ANKS1B: variants seen among roughly 807,000 people sequenced by gnomAD.
The protein encoded by ANKS1B is ankyrin repeat and sterile alpha motif domain-containing protein 1B.
In ANKS1B, 36 loss-of-function variants were observed where a neutral mutation model predicts 148.3. That is an observed-to-expected ratio of 0.24 (90% CI 0.19 to 0.32). The LOEUF (loss-of-function observed/expected upper bound fraction) is 0.32. Ranked by LOEUF, ANKS1B falls within the 10% of genes least tolerant of loss-of-function variation. The pLI, the probability that ANKS1B is intolerant of heterozygous loss-of-function variation, is 1.00. For synonymous variants in ANKS1B, 542 were observed against 560.8 expected (o/e 0.97, Z 0.47); for missense variants, 1,157 against 1,542.6 (o/e 0.75, Z 4.19).
At chr12:98,895,537 A>G (rs1178975632) in intron 17 of ANKS1B, among the ~76,000 whole-genome samples, 1 of 152,190 alleles carries the variant, frequency 6.6e-6, no homozygotes, top group African/African-American at 2.4e-5. Context: ...CTCACTAACC[A>G]AGCGACTTCG....
At chr12:99,192,598 G>A (rs114979679) in intron 14 of ANKS1B, among the ~76,000 whole-genome samples, 1,694 of 152,146 alleles carry the variant, frequency 0.011, 28 homozygotes, top group African/African-American at 0.038. Flanking sequence ...TAATAACAAC[G>A]AAGATTAACC....
At chr12:98,976,190 T>A (rs2099895523) in intron 17 of ANKS1B, among the ~76,000 whole-genome samples, 1 of 152,186 alleles carries the variant, frequency 6.6e-6, no homozygotes, top group Admixed American at 6.5e-5. Context: ...GTGTTTAGTT[T>A]CAGCTGAGGA....
At chr12:99,637,520 A>C (rs2098250253) in intron 9 of ANKS1B, among the ~76,000 whole-genome samples, 1 of 152,152 alleles carries the variant, frequency 6.6e-6, no homozygotes. Context: ...GAGCTGGGAA[A>C]GGCAGACCCA....
rs1490991533 is a variant in ANKS1B, at chr12:99,099,860, G to T, written c.2527-14837C>A. ...GAGAGACCACAAAAGGAAGGAAAAA[G>T]GTTTGTACGTATTTTTAATGGCACT... On this transcript the variant is annotated intron_variant, in intron 15 of 26. Coordinates refer to ENST00000683438, the MANE Select transcript of ANKS1B (RefSeq NM_001352186.2). The T allele has an allele frequency of 2.6e-5, 4 of 152,148 alleles. 1 individual carries two copies. The East Asian group carries it at 5.8e-4, about 22-fold the overall frequency. The allele number at this position is 152,148 out of a possible 1,614,324, so 9.4% of individuals were successfully genotyped here. A position where few individuals can be genotyped will look rare whatever the true frequency, so the allele number is the denominator to read the frequency against.
intron 25 of ANKS1B, 126 bp downstream of exon 25, chr12:98,772,916 C>T (rs2098607619): frequency 9.6e-7 from 1 of 1,042,414 alleles, no homozygotes; most frequent in Non-Finnish European, 1.4e-6. Context: ...AACAAATACA[C>T]TTGGTATGTA....
chr12:99,903,748 A>AGG (rs113265979), intron 1 of ANKS1B, among the ~76,000 whole-genome samples: 87 of 151,708 alleles, frequency 5.7e-4, no homozygotes, highest in African/African-American at 2.1e-3. Context: ...GAAAAATGGG[A>AGG]GGGGGGGAGA....
chr12:99,003,925 G>A (rs1347956060), intron 17 of ANKS1B, among the ~76,000 whole-genome samples: 1 of 152,158 alleles, frequency 6.6e-6, no homozygotes, highest in East Asian at 1.9e-4. Context: ...TGCTGCTGGG[G>A]GATGGTCAAA....
At chr12:99,080,754 A>C (rs1035467777) in intron 16 of ANKS1B, among the ~76,000 whole-genome samples, 4 of 152,238 alleles carry the variant, frequency 2.6e-5, no homozygotes, top group African/African-American at 9.6e-5. Flanking sequence ...GAAAAAACTA[A>C]GTTTTATGTT....
intron 17 of ANKS1B, among the ~76,000 whole-genome samples, chr12:98,849,296 T>C (rs2099508556): frequency 6.6e-6 from 1 of 152,184 alleles, no homozygotes; most frequent in African/African-American, 2.4e-5. Context: ...GATATTTCTA[T>C]TTCATGAGCA....
At chr12:98,853,424 T>C (rs764739419) in intron 17 of ANKS1B, among the ~76,000 whole-genome samples, 3 of 152,038 alleles carry the variant, frequency 2.0e-5, no homozygotes, top group Non-Finnish European at 4.4e-5. Flanking sequence ...TGATGATGTG[T>C]CTCTTGGCCC....
At chr12:99,515,889 T>C (rs1308720017) in intron 9 of ANKS1B, among the ~76,000 whole-genome samples, 1 of 152,176 alleles carries the variant, frequency 6.6e-6, no homozygotes, top group Non-Finnish European at 1.5e-5. Flanking sequence ...ATTGTAGTTT[T>C]GATTTGCATG....
intron 11 of ANKS1B, among the ~76,000 whole-genome samples, chr12:99,403,484 GA>G (rs148759412): frequency 0.26 from 37,160 of 143,040 alleles, 8,058 homozygotes; most frequent in East Asian, 0.45. Flanking sequence ...AATGGGGGTT[GA>G]TTTTTTTTTC....
chr12:98,851,720 A>G (rs1482912478), intron 17 of ANKS1B, among the ~76,000 whole-genome samples: 1 of 152,090 alleles, frequency 6.6e-6, no homozygotes, highest in Non-Finnish European at 1.5e-5. Flanking sequence ...GTTGAAGTAG[A>G]CAGGAAACCA....
intron 10 of ANKS1B, among the ~76,000 whole-genome samples, chr12:99,449,008 A>T (rs1286356833): frequency 1.3e-5 from 2 of 151,388 alleles, no homozygotes; most frequent in Non-Finnish European, 3.0e-5. Context: ...TCTTCTATTT[A>T]TTTTCTAGTT....
chr12:99,191,916 G>A (rs759386815), intron 14 of ANKS1B, among the ~76,000 whole-genome samples: 1 of 152,036 alleles, frequency 6.6e-6, no homozygotes, highest in Non-Finnish European at 1.5e-5. Context: ...GGCAGATCAC[G>A]AGGTCAGGAG....
chr12:99,404,719 G>A lies in ANKS1B; in HGVS notation c.1576-4908C>T, dbSNP rs1016684964. ...CCTTATAGAGGAGGGAGAGAGGTGG[G>A]TGGAATAAAAAGTTTACTCAAAGTG... is the stretch of plus-strand genomic sequence containing the variant. On this transcript the variant is annotated intron_variant, in intron 11 of 26. Coordinates refer to ENST00000683438, the MANE Select transcript of ANKS1B (RefSeq NM_001352186.2). Among the ~76,000 whole-genome samples, 7 of 145,206 alleles carry A rather than the reference G, an allele frequency of 4.8e-5. 1 individual carries two copies. The highest frequency in any genetic ancestry group is 2.1e-4 in the Admixed American group (3 of 14,610).
intron 8 of ANKS1B, among the ~76,000 whole-genome samples, chr12:99,730,025 T>C (rs976597910): frequency 1.3e-4 from 20 of 152,358 alleles, no homozygotes; most frequent in African/African-American, 4.3e-4. Context: ...TGCTCACATA[T>C]GGTCACTAGT....
chr12:99,554,670 T>G (rs1425912642), intron 9 of ANKS1B, among the ~76,000 whole-genome samples: 1 of 152,170 alleles, frequency 6.6e-6, no homozygotes, highest in Non-Finnish European at 1.5e-5. Flanking sequence ...TCAGGTCACT[T>G]TGGTCCAATA....
At chr12:99,712,763 G>A (rs1451096907) in intron 8 of ANKS1B, among the ~76,000 whole-genome samples, 7 of 152,088 alleles carry the variant, frequency 4.6e-5, no homozygotes, top group African/African-American at 1.7e-4. Flanking sequence ...AAAATAGAAG[G>A]GGAAAAAGGG....
Sources: allele counts gnomAD v4.1 joint callset (sites outside exome capture counted in the v4.1 genomes callset), GRCh38; gene constraint gnomAD v4.1.1; transcripts MANE v1.5; gene names NCBI Gene and HGNC (gene_info 2026-07-23, HGNC 2026-07-21).